AKAP13: variants seen among roughly 807,000 people sequenced by gnomAD.
AKAP13 encodes the protein A-kinase anchor protein 13.
Under a neutral mutation model 264.5 loss-of-function variants are expected in AKAP13, and 80 were observed. The observed-to-expected ratio is 0.30, with a 90% CI of 0.25 to 0.36. The LOEUF is 0.36. Among genes scored for constraint, AKAP13 ranks in the 10% least tolerant of loss-of-function variants. The probability of loss-of-function intolerance (pLI) is 1.00; values close to 1 mark genes in which losing one functional copy is unlikely to be tolerated. For missense variants in AKAP13, 3,712 were observed against 3,435.2 expected (o/e 1.08, Z -2.01); for synonymous variants, 1,380 against 1,250.2 (o/e 1.10, Z -2.19).
intron 17 of AKAP13, among the ~76,000 whole-genome samples, chr15:85,701,527 C>T (rs909095042): frequency 3.9e-5 from 6 of 152,116 alleles, no homozygotes; most frequent in Non-Finnish European, 7.4e-5. Context: ...GCAACCTCCT[C>T]CTCCCAGGTT....
At chr15:85,531,652 A>T (rs983338220) in intron 3 of AKAP13, among the ~76,000 whole-genome samples, 15 of 152,198 alleles carry the variant, frequency 9.9e-5, no homozygotes, top group African/African-American at 2.7e-4. Context: ...CATATACATT[A>T]TTATAAAGTG....
intron 1 of AKAP13, among the ~76,000 whole-genome samples, chr15:85,412,884 T>TATC (rs2072048099): frequency 6.6e-6 from 1 of 152,376 alleles, no homozygotes; most frequent in South Asian, 2.1e-4. Flanking sequence ...GTACCTATAT[T>TATC]ATCTCCTCTA....
At chr15:85,602,231 G>A (rs539527364) in intron 8 of AKAP13, among the ~76,000 whole-genome samples, 100 of 149,408 alleles carry the variant, frequency 6.7e-4, no homozygotes, top group African/African-American at 2.3e-3. Context: ...GCTGGAGTGC[G>A]GTGGCACAAT....
intron 1 of AKAP13, among the ~76,000 whole-genome samples, chr15:85,436,730 C>G (rs1171492204): frequency 6.6e-6 from 1 of 151,236 alleles, no homozygotes; most frequent in African/African-American, 2.4e-5. Context: ...GGGTACATAA[C>G]GAAATGAAGG....
chr15:85,453,015 G>A (rs954221099), intron 1 of AKAP13, among the ~76,000 whole-genome samples: 1 of 152,190 alleles, frequency 6.6e-6, no homozygotes, highest in Non-Finnish European at 1.5e-5. Context: ...GAGGGTCAGT[G>A]CTGCGGGCCC....
rs752711851 is a variant in AKAP13, at chr15:85,741,156, G to T, written c.7719G>T (p.Lys2573Asn). Reference protein sequence around the residue: ...SRPSSLIEQEKQRSLEKQRQD... With the variant: ...SRPSSLIEQENQRSLEKQRQD... ...CGAGCTCCCTCATTGAGCAGGAGAA[G>T]CAGCGCAGCCTGGAGAAGCAGCGCC... Residue 2573 changes from lysine to asparagine, a missense_variant, in exon 35 of 37, where the codon AAG becomes AAT. This residue lies in a region of AKAP13 where 611 missense variants were observed against 539.3 expected (regional missense o/e 1.13). Transcript: ENST00000394518. 1 of 1,613,304 alleles carries T rather than the reference G, an allele frequency of 6.2e-7. No individual in the cohort carries two copies. Among genetic ancestry groups the T allele is most frequent in the South Asian group, 1.1e-5 (1 of 91,012 alleles).
intron 27 of AKAP13, 144 bp from the exon 28 acceptor site, chr15:85,726,922 T>C: frequency 1.3e-6 from 1 of 799,066 alleles, no homozygotes. Context: ...AATAAGGAGA[T>C]ACTTCTCTTT....
intron 15 of AKAP13, chr15:85,684,320 G>C (rs2084776746): frequency 6.5e-6 from 1 of 153,028 alleles, no homozygotes; most frequent in Admixed American, 6.5e-5. Context: ...CAAGCACTTT[G>C]GGAGGCTGAG....
At chr15:85,685,486 G>GTGTC (rs1440923750) in intron 16 of AKAP13, 1 of 145,418 alleles carries the variant, frequency 6.9e-6, no homozygotes, top group African/African-American at 2.7e-5. Flanking sequence ...GTGTGTGTGT[G>GTGTC]TGTCTGTGTG....
chr15:85,512,250 C>G (rs568779805), intron 2 of AKAP13, among the ~76,000 whole-genome samples: 5 of 152,120 alleles, frequency 3.3e-5, no homozygotes, highest in South Asian at 4.1e-4. Context: ...ACATGTACAG[C>G]GCAGTGCACA....
At chr15:85,437,400 A>T (rs1434388638) in intron 1 of AKAP13, among the ~76,000 whole-genome samples, 1 of 152,218 alleles carries the variant, frequency 6.6e-6, no homozygotes, top group Non-Finnish European at 1.5e-5. Context: ...CACAAGGAGG[A>T]ACTGGTACCA....
chr15:85,512,867 A>ATGTT (rs2076485539), intron 2 of AKAP13, among the ~76,000 whole-genome samples: 3 of 102,970 alleles, frequency 2.9e-5, no homozygotes, highest in Non-Finnish European at 6.6e-5. Context: ...GTATGTATGT[A>ATGTT]TGTTTTTGAG....
intron 5 of AKAP13, among the ~76,000 whole-genome samples, chr15:85,550,769 C>T (rs971926545): frequency 6.6e-6 from 1 of 152,158 alleles, no homozygotes; most frequent in Non-Finnish European, 1.5e-5. Flanking sequence ...GGCCAAATTC[C>T]CATTCATCAG....
rs577319605 is a variant in AKAP13, at chr15:85,674,643, T to C, written c.5101+4813T>C. On this transcript the variant is annotated intron_variant, in intron 14 of 36. Transcript: ENST00000394518. ...CATTAGACTATGACAGCTAAGGCCA[T>C]CTTGAGAGCTGAACTGTGGCAGTTA... 6.6e-5 allele frequency among the ~76,000 whole-genome samples: 10 copies of C among 152,290 alleles called. No homozygotes were observed. In the East Asian group the frequency reaches 1.9e-3, roughly 29 times the overall value.
chr15:85,485,474 T>C (rs2075508289), intron 1 of AKAP13, among the ~76,000 whole-genome samples: 1 of 152,244 alleles, frequency 6.6e-6, no homozygotes, highest in Admixed American at 6.5e-5. Context: ...CTTTTGTCTT[T>C]ATTTTTCAAT....
intron 19 of AKAP13, among the ~76,000 whole-genome samples, chr15:85,715,438 A>G (rs2030589853): frequency 6.6e-6 from 1 of 152,234 alleles, no homozygotes; most frequent in African/African-American, 2.4e-5. Context: ...TAAAATAAAC[A>G]TAGCCTAAAA....
intron 14 of AKAP13, among the ~76,000 whole-genome samples, chr15:85,671,111 AAC>A (rs2083901583): frequency 6.6e-6 from 1 of 152,082 alleles, no homozygotes; most frequent in African/African-American, 2.4e-5. Flanking sequence ...AAAGGAAATA[AAC>A]ACACTCTCCT....
At chr15:85,706,464 C>A (rs1294515180) in intron 17 of AKAP13, among the ~76,000 whole-genome samples, 4 of 152,114 alleles carry the variant, frequency 2.6e-5, no homozygotes, top group Non-Finnish European at 5.9e-5. Context: ...TGTGATTCCT[C>A]CTTTTTAATT....
intron 1 of AKAP13, among the ~76,000 whole-genome samples, chr15:85,391,473 ATTCTT>A (rs745816684): frequency 6.7e-5 from 10 of 149,278 alleles, no homozygotes; most frequent in East Asian, 3.9e-4. Context: ...ATTTGTCTTT[ATTCTT>A]TTCTTTTCTT....
Sources: gnomAD v4.1 joint callset for allele counts (sites outside exome capture counted in the v4.1 genomes callset) on GRCh38, gnomAD v4.1.1 for gene constraint, gnomAD v4.1.1 regional missense constraint, MANE v1.5 for transcripts, NCBI Gene and HGNC (gene_info 2026-07-23, HGNC 2026-07-21) for gene names.